MTUS2: variants seen among roughly 807,000 people sequenced by gnomAD.
MTUS2 encodes the protein microtubule associated scaffold protein 2.
MTUS2 carries 40 observed loss-of-function variants against 114.1 expected under a neutral mutation model. That is an observed-to-expected ratio of 0.35 (90% CI 0.27 to 0.46). MTUS2 has a LOEUF of 0.46. MTUS2 is among the 20% of genes least tolerant of loss of function. The probability of loss-of-function intolerance (pLI) is 1.00; values close to 1 mark genes in which losing one functional copy is unlikely to be tolerated. For missense variants in MTUS2, 1,679 were observed against 1,705.4 expected, an observed-to-expected ratio of 0.98 and a Z score of 0.27; for synonymous variants, 688 against 672.0, an observed-to-expected ratio of 1.02 and a Z score of -0.37.
intron 2 of MTUS2, among the ~76,000 whole-genome samples, chr13:28,882,081 A>T (rs1461322867): frequency 1.3e-5 from 2 of 151,646 alleles, no homozygotes; most frequent in Admixed American, 6.6e-5. Context: ...TTTTTTTGAG[A>T]CGGAGTCTTG....
At chr13:29,450,541 A>G (rs978291723) in intron 9 of MTUS2, among the ~76,000 whole-genome samples, 3 of 152,232 alleles carry the variant, frequency 2.0e-5, no homozygotes, top group African/African-American at 7.2e-5. Flanking sequence ...CCAAGAAACC[A>G]GCAGAAAAAA....
intron 2 of MTUS2, among the ~76,000 whole-genome samples, chr13:28,912,032 T>C (rs1880470427): frequency 6.6e-6 from 1 of 152,132 alleles, no homozygotes; most frequent in African/African-American, 2.4e-5. Flanking sequence ...CAATTTTTGC[T>C]TTTGTTGCAA....
chr13:29,199,274 C>T (rs769781288), intron 5 of MTUS2, among the ~76,000 whole-genome samples: 1 of 152,150 alleles, frequency 6.6e-6, no homozygotes, highest in Non-Finnish European at 1.5e-5. Flanking sequence ...TGCTGGTTTT[C>T]AAAGGAAATG....
At chr13:29,486,150 C>G (rs1484688780) in intron 10 of MTUS2, among the ~76,000 whole-genome samples, 3 of 152,194 alleles carry the variant, frequency 2.0e-5, no homozygotes, top group Non-Finnish European at 4.4e-5. Context: ...GGGTTCATAG[C>G]TCTGAGCTTC....
intron 4 of MTUS2, among the ~76,000 whole-genome samples, chr13:29,058,229 T>TTTTTTTG (rs1565984342): frequency 4.1e-5 from 6 of 147,636 alleles, no homozygotes; most frequent in Non-Finnish European, 6.0e-5. Flanking sequence ...CATTTTGACT[T>TTTTTTTG]TGGAGAATTT....
intron 8 of MTUS2, among the ~76,000 whole-genome samples, chr13:29,433,139 T>G (rs1287094589): frequency 6.6e-6 from 1 of 152,204 alleles, no homozygotes; most frequent in Admixed American, 6.5e-5. Context: ...CCTTTGCCAT[T>G]GTTCATTAGT....
chr13:29,344,942 C>T (rs1347559347), intron 7 of MTUS2, among the ~76,000 whole-genome samples: 1 of 152,178 alleles, frequency 6.6e-6, no homozygotes, highest in Non-Finnish European at 1.5e-5. Flanking sequence ...ATACAAAACT[C>T]ATGGCTGACA....
intron 5 of MTUS2, among the ~76,000 whole-genome samples, chr13:29,130,009 C>G (rs1320357006): frequency 6.6e-6 from 1 of 151,926 alleles, no homozygotes; most frequent in Non-Finnish European, 1.5e-5. Flanking sequence ...GAGCCTTCAC[C>G]CTTTGTGTTT....
chr13:29,301,740 A>T (rs982090221), intron 6 of MTUS2, among the ~76,000 whole-genome samples: 1 of 152,256 alleles, frequency 6.6e-6, no homozygotes, highest in African/African-American at 2.4e-5. Context: ...CGTATAATCC[A>T]TAGGTTTTAT....
intron 5 of MTUS2, among the ~76,000 whole-genome samples, chr13:29,145,241 T>A (rs563465729): frequency 8.5e-5 from 13 of 152,098 alleles, no homozygotes; most frequent in Admixed American, 8.5e-4. Flanking sequence ...CATAAATGAG[T>A]AAGGACACAG....
Position 28,862,526 on chromosome 13 carries a change from T to A in MTUS2, c.-243+22676T>A, listed in dbSNP as rs1020706965. 7.9e-5 allele frequency among the ~76,000 whole-genome samples: 12 copies of A among 152,130 alleles called. 1 individual carries two copies. The highest frequency in any genetic ancestry group is 2.4e-4 in the African/African-American group (10 of 41,426). On this transcript the variant is annotated intron_variant, in intron 2 of 15. Transcript: ENST00000612955. Reference sequence around the variant, plus strand: ...TACTTGGGAGACTGAGGCGGGAGAATCACTTGAACCTGGGAGGTGGAGGTT... The same window carrying A: ...TACTTGGGAGACTGAGGCGGGAGAAACACTTGAACCTGGGAGGTGGAGGTT...
At chr13:29,216,132 G>A (rs535957582) in intron 5 of MTUS2, among the ~76,000 whole-genome samples, 17 of 152,236 alleles carry the variant, frequency 1.1e-4, no homozygotes, top group African/African-American at 2.4e-4. Context: ...CCACACTGCC[G>A]TGGGTTCCAC....
At chr13:29,130,481 C>G (rs1184521646) in intron 5 of MTUS2, among the ~76,000 whole-genome samples, 1 of 152,152 alleles carries the variant, frequency 6.6e-6, no homozygotes, top group African/African-American at 2.4e-5. Flanking sequence ...CCCAGTGAGG[C>G]CTGCTCAACT....
Position 29,315,976 on chromosome 13 carries a change from C to T in MTUS2, c.2807-8637C>T, listed in dbSNP as rs181533572. On this transcript the variant is annotated intron_variant, in intron 6 of 15. Transcript: ENST00000612955. ...TGCCCAGGGTCTTGATTCAGGGTGCCTCTTGGGTTGCAGGTGTCAAAGAAC... is the reference window on the plus strand; with the variant it reads ...TGCCCAGGGTCTTGATTCAGGGTGCTTCTTGGGTTGCAGGTGTCAAAGAAC... 2.0e-5 allele frequency among the ~76,000 whole-genome samples: 3 copies of T among 152,200 alleles called. No homozygotes were observed. In the East Asian group the frequency reaches 5.8e-4, roughly 29 times the overall value.
chr13:28,986,586 G>T (rs182877036), intron 2 of MTUS2, among the ~76,000 whole-genome samples: 1 of 152,178 alleles, frequency 6.6e-6, no homozygotes, highest in Non-Finnish European at 1.5e-5. Context: ...CTACTCTCCC[G>T]AGCATAGAAT....
chr13:29,282,814 T>C (rs1024253154), intron 6 of MTUS2, among the ~76,000 whole-genome samples: 4 of 152,178 alleles, frequency 2.6e-5, no homozygotes. Flanking sequence ...TTATATCAAT[T>C]TTTCTACATG....
chr13:29,226,693 T>A (rs1405119730), intron 5 of MTUS2, among the ~76,000 whole-genome samples: 1 of 152,188 alleles, frequency 6.6e-6, no homozygotes, highest in Non-Finnish European at 1.5e-5. Flanking sequence ...TTATTTATAC[T>A]TGAAGTCTCT....
intron 2 of MTUS2, among the ~76,000 whole-genome samples, chr13:28,906,241 T>C (rs961414288): frequency 6.6e-6 from 1 of 151,512 alleles, no homozygotes; most frequent in African/African-American, 2.4e-5. Context: ...GTGTTTTTTA[T>C]GTCTCTATTT....
At chr13:29,250,142 TG>T (rs1419161951) in intron 5 of MTUS2, among the ~76,000 whole-genome samples, 1 of 152,060 alleles carries the variant, frequency 6.6e-6, no homozygotes, top group Admixed American at 6.5e-5. Context: ...TAAAATAAAA[TG>T]GATAAGGAAA....
Sources: gnomAD v4.1 joint callset for allele counts (sites outside exome capture counted in the v4.1 genomes callset) on GRCh38, gnomAD v4.1.1 for gene constraint, MANE v1.5 for transcripts, NCBI Gene and HGNC (gene_info 2026-07-23, HGNC 2026-07-21) for gene names.